ERO1A: variants seen among roughly 807,000 people sequenced by gnomAD.
ERO1A encodes ERO1-like protein alpha.
A neutral mutation model predicts 76.9 loss-of-function variants in ERO1A; 49 were observed. That is an observed-to-expected ratio of 0.64 (90% CI 0.51 to 0.81). ERO1A has a LOEUF of 0.81. ERO1A is among the 30% of genes least tolerant of loss of function. The probability of loss-of-function intolerance (pLI) is 0.00; values close to 1 mark genes in which losing one functional copy is unlikely to be tolerated. For missense variants in ERO1A, 448 were observed against 542.1 expected (o/e 0.83, Z 1.72); for synonymous variants, 174 against 181.2 (o/e 0.96, Z 0.32).
intron 4 of ERO1A, 98 bp downstream of exon 4, chr14:52,678,336 C>T (rs911947891): frequency 4.6e-6 from 4 of 861,410 alleles, no homozygotes; most frequent in Non-Finnish European, 7.5e-6. Flanking sequence ...GGGGTTTCAC[C>T]ACTGGAAGCA....
intron 13 of ERO1A, among the ~76,000 whole-genome samples, chr14:52,648,698 G>T (rs963585064): frequency 2.0e-5 from 3 of 152,144 alleles, no homozygotes; most frequent in African/African-American, 7.2e-5. Flanking sequence ...GTGAGAGTTG[G>T]AAGCCTCTGT....
chr14:52,652,403 G>A, intron 12 of ERO1A, 95 bp from the exon 13 acceptor site: 1 of 804,466 alleles, frequency 1.2e-6, no homozygotes, highest in Non-Finnish European at 2.1e-6. Flanking sequence ...AAATAAAGAG[G>A]AGAAAACATA....
intron 8 of ERO1A, 51 bp from the exon 9 acceptor site, chr14:52,661,355 T>C: frequency 1.4e-6 from 2 of 1,386,372 alleles, no homozygotes; most frequent in East Asian, 2.6e-5. Context: ...CCAGTGCCCC[T>C]TTTATAATGC....
intron 4 of ERO1A, among the ~76,000 whole-genome samples, chr14:52,672,776 C>CAAAAAAA (rs1226719026): frequency 2.6e-4 from 16 of 60,812 alleles, no homozygotes; most frequent in Non-Finnish European, 4.6e-4. Context: ...TGTCTCTGAC[C>CAAAAAAA]AAAAAAAAAA....
In ERO1A at chr14:52,666,276, A is replaced by G. The variant is rs528839557; in HGVS notation, c.629+99T>C. ...CCTTGTACAAACACATCTTTTAACA[A>G]AGTGAATTTGATTTTTAATTTTAAA... is the stretch of plus-strand genomic sequence containing the variant. On this transcript the variant is annotated intron_variant, in intron 7 of 15. Coordinates refer to ENST00000395686, the MANE Select transcript of ERO1A (RefSeq NM_014584.3). 7.9e-6 allele frequency: 7 copies of G among 881,674 alleles called. No individual in the cohort carries two copies. The African/African-American group carries it at 1.2e-4, about 15-fold the overall frequency. 54.6% of individuals were successfully genotyped at this position (881,674 alleles called of 1,614,324 possible).
intron 3 of ERO1A, among the ~76,000 whole-genome samples, chr14:52,679,489 T>C (rs2040915745): frequency 6.6e-6 from 1 of 152,022 alleles, no homozygotes; most frequent in Middle Eastern, 3.4e-3. Context: ...CTTGGCTCAC[T>C]GCAACCTCCG....
intron 8 of ERO1A, among the ~76,000 whole-genome samples, chr14:52,663,408 G>C (rs1033687701): frequency 2.0e-5 from 3 of 151,898 alleles, no homozygotes; most frequent in African/African-American, 7.3e-5. Context: ...GACCATCCTG[G>C]CTAACACGGT....
chr14:52,655,502 CAT>C (rs895701636), intron 11 of ERO1A, among the ~76,000 whole-genome samples: 1 of 152,136 alleles, frequency 6.6e-6, no homozygotes, highest in Non-Finnish European at 1.5e-5. Context: ...ACTTACAGCA[CAT>C]GTTTCCATGT....
At chr14:52,679,952 C>T (rs539459873) in intron 3 of ERO1A, among the ~76,000 whole-genome samples, 3 of 151,836 alleles carry the variant, frequency 2.0e-5, no homozygotes, top group Non-Finnish European at 4.4e-5. Flanking sequence ...CCCAGGTACT[C>T]AGGAGGCTGA....
chr14:52,678,245 A>T, intron 4 of ERO1A, 189 bp downstream of exon 4: 1 of 420,476 alleles, frequency 2.4e-6, no homozygotes, highest in Non-Finnish European at 4.2e-6. Flanking sequence ...TCAAAAAAAT[A>T]AATAAAATAA....
At chr14:52,692,834 GT>G (rs1297237695) in intron 1 of ERO1A, among the ~76,000 whole-genome samples, 1 of 151,030 alleles carries the variant, frequency 6.6e-6, no homozygotes, top group Non-Finnish European at 1.5e-5. Context: ...CTCTCATGCT[GT>G]TTCTCTGTGT....
chr14:52,668,876 G>A (rs368222984), intron 6 of ERO1A, among the ~76,000 whole-genome samples: 7 of 150,300 alleles, frequency 4.7e-5, no homozygotes, highest in African/African-American at 1.5e-4. Context: ...TTTATGATGC[G>A]CTGGTTCCTA....
chr14:52,675,377 C>T (rs1260609424), intron 4 of ERO1A, among the ~76,000 whole-genome samples: 1 of 150,198 alleles, frequency 6.7e-6, no homozygotes, highest in Non-Finnish European at 1.5e-5. Flanking sequence ...AAGAGCAAAA[C>T]TCCGTCTCAA....
rs2039493002 is a variant in ERO1A at position 52,642,046 on chromosome 14, A to G, written c.*1524T>C. The G allele has an allele frequency of 6.6e-6, 1 of 152,226 alleles. No homozygotes were observed. Among genetic ancestry groups the G allele is most frequent in the Admixed American group, 6.5e-5 (1 of 15,284 alleles). The allele number at this position is 152,226 out of a possible 1,614,324, so 9.4% of individuals were successfully genotyped here. On this transcript the variant is annotated 3_prime_UTR_variant, in exon 16 of 16. Coordinates refer to ENST00000395686, the MANE Select transcript of ERO1A (RefSeq NM_014584.3). ...TACTAATGTGACATTTCAACATGTTATACCTGATAAGACATATGTAAAGAG... is the reference window on the plus strand; with the variant it reads ...TACTAATGTGACATTTCAACATGTTGTACCTGATAAGACATATGTAAAGAG...
chr14:52,667,444 G>A (rs1428548462), intron 6 of ERO1A, among the ~76,000 whole-genome samples: 1 of 152,180 alleles, frequency 6.6e-6, no homozygotes, highest in East Asian at 1.9e-4. Context: ...CCCAGGGTGG[G>A]CACGATGGTT....
chr14:52,676,247 T>C (rs2040779025), intron 4 of ERO1A, among the ~76,000 whole-genome samples: 1 of 152,146 alleles, frequency 6.6e-6, no homozygotes, highest in African/African-American at 2.4e-5. Context: ...CATTGCAAAA[T>C]AAAAAGAGCA....
Position 52,643,413 on chromosome 14 carries a change from A to C in ERO1A, c.*157T>G. ...TATACATAGACTTAACACAATTTTTAAAAATGTGTTTACTTAAAACAATAT... is the reference window on the plus strand; with the variant it reads ...TATACATAGACTTAACACAATTTTTCAAAATGTGTTTACTTAAAACAATAT... On this transcript the variant is annotated 3_prime_UTR_variant, in exon 16 of 16. Coordinates refer to ENST00000395686, the MANE Select transcript of ERO1A (RefSeq NM_014584.3). 5 of 496,012 alleles carry C rather than the reference A, an allele frequency of 1.0e-5. No individual in the cohort carries two copies. The highest frequency in any genetic ancestry group is 1.8e-5 in the Non-Finnish European group (5 of 282,952). 30.7% of individuals were successfully genotyped at this position (496,012 alleles called of 1,614,324 possible). A position where few individuals can be genotyped will look rare whatever the true frequency, so the allele number is the denominator to read the frequency against.
At chr14:52,662,376 C>A (rs1281947335) in intron 8 of ERO1A, among the ~76,000 whole-genome samples, 1 of 152,160 alleles carries the variant, frequency 6.6e-6, no homozygotes, top group Non-Finnish European at 1.5e-5. Flanking sequence ...CATTCCTAAT[C>A]TAAGAAAGAG....
intron 9 of ERO1A, 150 bp from the exon 10 acceptor site, chr14:52,658,300 G>T: frequency 1.7e-6 from 1 of 601,438 alleles, no homozygotes; most frequent in Non-Finnish European, 2.9e-6. Context: ...GCAATTTCTC[G>T]AAAGGAAGAA....
Sources: allele counts gnomAD v4.1 joint callset (sites outside exome capture counted in the v4.1 genomes callset), GRCh38; gene constraint gnomAD v4.1.1; transcripts MANE v1.5; gene names NCBI Gene and HGNC (gene_info 2026-07-23, HGNC 2026-07-21).